Variants in CLSTN1 observed in about 807,000 individuals in gnomAD.
The protein encoded by CLSTN1 is calsyntenin-1.
A neutral mutation model predicts 108.3 loss-of-function variants in CLSTN1; 28 were observed. The ratio of observed to expected loss-of-function variants is 0.26; its 90% CI spans 0.19 to 0.35. The LOEUF (loss-of-function observed/expected upper bound fraction) is 0.35. Among genes scored for constraint, CLSTN1 ranks in the 10% least tolerant of loss-of-function variants. CLSTN1 has a pLI of 1.00. For synonymous variants in CLSTN1, 524 were observed against 534.9 expected (o/e 0.98, Z 0.28); for missense variants, 1,157 against 1,302.6 (o/e 0.89, Z 1.72).
intron 1 of CLSTN1, among the ~76,000 whole-genome samples, chr1:9,787,144 G>A (rs927579523): frequency 6.6e-6 from 1 of 150,472 alleles, no homozygotes; most frequent in Non-Finnish European, 1.5e-5. Flanking sequence ...AACTAGAACT[G>A]AGAGCTAAGG....
rs1156483241 is a variant in CLSTN1 at position 9,818,777 on chromosome 1, C to CTTTTT, written c.91+4861_91+4865dup. The stretch of plus-strand genomic sequence containing the variant: ...TAAAGACATATTTCTTCAAGCAACT[C>CTTTTT]TTTTTTTTTTTTTTTTTTTTTTTTT... On this transcript the variant is annotated intron_variant, in intron 1 of 18. Coordinates refer to ENST00000377298, the MANE Select transcript of CLSTN1 (RefSeq NM_001009566.3). 8.2e-5 allele frequency among the ~76,000 whole-genome samples: 8 copies of CTTTTT among 98,076 alleles called. 1 individual carries two copies. The highest frequency in any genetic ancestry group is 3.1e-4 in the Admixed American group (3 of 9,650). 64.3% of individuals were successfully genotyped at this position (98,076 alleles called of 152,430 possible).
At chr1:9,790,942 G>A (rs1653739376) in intron 1 of CLSTN1, among the ~76,000 whole-genome samples, 4 of 151,284 alleles carry the variant, frequency 2.6e-5, no homozygotes, top group South Asian at 2.2e-4. Context: ...GATCATCCTG[G>A]CTAACAAGGT....
chr1:9,816,536 TAA>T (rs372892139), intron 1 of CLSTN1, among the ~76,000 whole-genome samples: 90 of 141,070 alleles, frequency 6.4e-4, no homozygotes, highest in African/African-American at 1.4e-3. Context: ...AAAGCTGCTT[TAA>T]AAAAAAAAAA....
At chr1:9,760,395 G>A (rs892615250) in intron 2 of CLSTN1, among the ~76,000 whole-genome samples, 3 of 152,154 alleles carry the variant, frequency 2.0e-5, no homozygotes, top group African/African-American at 7.2e-5. Context: ...TGCAGAGCCT[G>A]CTGAGCCATC....
Position 9,755,252 on chromosome 1 carries a change from A to C in CLSTN1, c.302T>G (p.Val101Gly), listed in dbSNP as rs1043755996. The change falls in exon 4 of 19, where the codon GTG (valine) becomes GGG (glycine). Residue 101 changes from valine to glycine, a missense_variant. Coordinates refer to ENST00000377298, the MANE Select transcript of CLSTN1 (RefSeq NM_001009566.3). Reference protein sequence around the residue: ...GQNVPFDAVVVDKSTGEGVIR... With the variant: ...GQNVPFDAVVGDKSTGEGVIR... ...GACTCCCTCACCAGTGGATTTATCC[A>C]CTACCACTGCATCAAAGGGGACATT... 5 of 1,613,946 alleles carry C rather than the reference A, an allele frequency of 3.1e-6. No homozygotes were observed. Among genetic ancestry groups the C allele is most frequent in the Admixed American group, 1.7e-5 (1 of 59,992 alleles).
intron 9 of CLSTN1, among the ~76,000 whole-genome samples, chr1:9,741,743 C>A (rs918117273): frequency 6.6e-6 from 1 of 152,202 alleles, no homozygotes; most frequent in Non-Finnish European, 1.5e-5. Context: ...GAAACCCCAT[C>A]TCTACTGAAA....
chr1:9,733,929 C>G, intron 15 of CLSTN1, 43 bp downstream of exon 15: 3 of 1,572,754 alleles, frequency 1.9e-6, no homozygotes, highest in Non-Finnish European at 2.6e-6. Context: ...AAAGTCCCCT[C>G]TTGCAGCCTG....
rs377700901 is a variant in CLSTN1 at position 9,766,046 on chromosome 1, G to C, written c.214+7226C>G. ...CATTCATAACAAAGAATACAGACAA[G>C]AGTATCACAGGGCTCCTCGGTGGGC... On this transcript the variant is annotated intron_variant, in intron 2 of 18. Transcript: ENST00000377298. Among the ~76,000 whole-genome samples the C allele has an allele frequency of 5.3e-4, 80 of 152,266 alleles. 2 individuals are homozygous for C. In the South Asian group the frequency reaches 0.012, roughly 23 times the overall value.
chr1:9,735,291 T>G, intron 13 of CLSTN1, 117 bp from the exon 14 acceptor site: 1 of 1,371,842 alleles, frequency 7.3e-7, no homozygotes, highest in South Asian at 1.2e-5. Flanking sequence ...CCGGGGCCAC[T>G]CCAGGAACAC....
At position 9,749,713 on chromosome 1, in the gene CLSTN1, T is replaced by C. The variant is rs372099971; in HGVS notation, c.799+51A>G. 15 of 1,611,472 alleles carry C rather than the reference T, an allele frequency of 9.3e-6. No homozygotes were observed. In the African/African-American group the frequency reaches 1.2e-4, roughly 13 times the overall value. On this transcript the variant is annotated intron_variant, in intron 6 of 18. Transcript: ENST00000377298. The stretch of plus-strand genomic sequence containing the variant: ...ACACACACTCTAGGTTGCTGCCGCA[T>C]ACATCAGTTTTAAGAGCAGATGTGA...
chr1:9,729,973 T>C lies in CLSTN1; in HGVS notation c.*535A>G, dbSNP rs1650257631. ...TTTACATTCCAGTCCCGGGTTACAC[T>C]AGCACAAAGGACACAAGGAATCCGA... On this transcript the variant is annotated 3_prime_UTR_variant, in exon 19 of 19. Coordinates refer to ENST00000377298, the MANE Select transcript of CLSTN1 (RefSeq NM_001009566.3). 6.3e-6 allele frequency: 1 copy of C among 159,862 alleles called. No individual in the cohort carries two copies. Among genetic ancestry groups the C allele is most frequent in the African/African-American group, 2.4e-5 (1 of 41,530 alleles). The allele number at this position is 159,862 out of a possible 1,614,324, so 9.9% of individuals were successfully genotyped here. A position where few individuals can be genotyped will look rare whatever the true frequency, so the allele number is the denominator to read the frequency against.
Position 9,729,730 on chromosome 1 carries a change from G to C in CLSTN1, c.*778C>G, listed in dbSNP as rs1303915297. On this transcript the variant is annotated 3_prime_UTR_variant, in exon 19 of 19. Coordinates refer to ENST00000377298, the MANE Select transcript of CLSTN1 (RefSeq NM_001009566.3). ...GACCCCGCACCCCACACCAAATTAG[G>C]AACAGGTAGAATCCCAAAGGCAAGG... The C allele has an allele frequency of 6.6e-6, 1 of 152,398 alleles. No individual in the cohort carries two copies. Among genetic ancestry groups the C allele is most frequent in the African/African-American group, 2.4e-5 (1 of 41,402 alleles). 9.4% of individuals were successfully genotyped at this position (152,398 alleles called of 1,614,324 possible).
intron 2 of CLSTN1, among the ~76,000 whole-genome samples, chr1:9,759,964 G>A (rs1207660060): frequency 6.6e-6 from 1 of 152,158 alleles, no homozygotes; most frequent in East Asian, 1.9e-4. Context: ...GTTTACTGTG[G>A]AATAGCGAGG....
intron 1 of CLSTN1, among the ~76,000 whole-genome samples, chr1:9,774,097 G>A (rs1010843781): frequency 1.4e-4 from 21 of 151,936 alleles, no homozygotes; most frequent in African/African-American, 5.1e-4. Flanking sequence ...GAATGTAGTG[G>A]TAGGATCTCA....
chr1:9,763,649 C>T (rs1396327067), intron 2 of CLSTN1, among the ~76,000 whole-genome samples: 1 of 152,164 alleles, frequency 6.6e-6, no homozygotes, highest in Non-Finnish European at 1.5e-5. Flanking sequence ...CCCAGGTGAT[C>T]CAGACATAGC....
At chr1:9,757,068 G>A (rs954397216) in intron 2 of CLSTN1, among the ~76,000 whole-genome samples, 16 of 151,758 alleles carry the variant, frequency 1.1e-4, no homozygotes, top group African/African-American at 2.9e-4. Flanking sequence ...GTGAGCCCCC[G>A]TGCCCGGCAG....
intron 1 of CLSTN1, among the ~76,000 whole-genome samples, chr1:9,811,345 G>A (rs532000800): frequency 3.3e-5 from 5 of 152,208 alleles, no homozygotes; most frequent in Admixed American, 2.0e-4. Context: ...ACATGTATTC[G>A]CTGCTTCCTA....
Position 9,729,191 on chromosome 1 carries a change from T to TGGCC in CLSTN1, c.*1313_*1316dup, listed in dbSNP as rs1168230896. ...AGCTACAGGGACGGGACATGGAGGATGGCCACACATAGCACAGCCACCAGT... is the reference window on the plus strand; with the variant it reads ...AGCTACAGGGACGGGACATGGAGGATGGCCGGCCACACATAGCACAGCCACCAGT... On this transcript the variant is annotated 3_prime_UTR_variant, in exon 19 of 19. Coordinates refer to ENST00000377298, the MANE Select transcript of CLSTN1 (RefSeq NM_001009566.3). 1 of 152,274 alleles carries TGGCC rather than the reference T, an allele frequency of 6.6e-6. No homozygotes were observed. The highest frequency in any genetic ancestry group is 1.5e-5 in the Non-Finnish European group (1 of 68,060). 9.4% of individuals were successfully genotyped at this position (152,274 alleles called of 1,614,324 possible). A position where few individuals can be genotyped will look rare whatever the true frequency, so the allele number is the denominator to read the frequency against.
chr1:9,737,485 A>C lies in CLSTN1; in HGVS notation c.1576+13T>G. The C allele has an allele frequency of 6.2e-7, 1 of 1,612,528 alleles. No individual in the cohort carries two copies. The highest frequency in any genetic ancestry group is 8.5e-7 in the Non-Finnish European group (1 of 1,178,548). On this transcript the variant is annotated intron_variant, in intron 11 of 18. Transcript: ENST00000377298. ...GAAACACAATAGTGAATGTAGGGAA[A>C]AAATCCAGCAACCTGCAGAGGCCAC...
Sources: allele counts gnomAD v4.1 joint callset (sites outside exome capture counted in the v4.1 genomes callset), GRCh38; gene constraint gnomAD v4.1.1; transcripts MANE v1.5; gene names NCBI Gene and HGNC (gene_info 2026-07-23, HGNC 2026-07-21).